The following VRK2 variants were observed in gnomAD, a reference collection of about 807,000 sequenced individuals.
The protein encoded by VRK2 is VRK serine/threonine kinase 2, also known as serine/threonine-protein kinase VRK2.
A neutral mutation model predicts 57.6 loss-of-function variants in VRK2; 60 were observed. That is an observed-to-expected ratio of 1.04 (90% CI 0.85 to 1.29). The LOEUF (loss-of-function observed/expected upper bound fraction) is 1.29. VRK2 is among the 50% of genes most tolerant of loss of function. VRK2 has a pLI of 0.00. For missense variants in VRK2, 705 were observed against 588.1 expected (o/e 1.20, Z -2.06); for synonymous variants, 231 against 199.2 (o/e 1.16, Z -1.35).
intron 7 of VRK2, among the ~76,000 whole-genome samples, chr2:58,098,584 T>C (rs1264309971): frequency 1.3e-5 from 2 of 151,980 alleles, no homozygotes; most frequent in Non-Finnish European, 1.5e-5. Context: ...CAGTATTTAC[T>C]ATAGTAACAT....
chr2:57,938,941 C>T (rs1331054761), intron 1 of VRK2, among the ~76,000 whole-genome samples: 5 of 152,174 alleles, frequency 3.3e-5, no homozygotes, highest in African/African-American at 4.8e-5. Context: ...AACAATTCCT[C>T]ATTCAGAGAT....
intron 1 of VRK2, among the ~76,000 whole-genome samples, chr2:57,941,944 A>G (rs1361620478): frequency 6.6e-6 from 1 of 152,210 alleles, no homozygotes; most frequent in Non-Finnish European, 1.5e-5. Context: ...AAACCCTACC[A>G]TTAAATATAT....
At chr2:58,048,526 G>C in intron 1 of VRK2, 2 of 1,327,444 alleles carry the variant, frequency 1.5e-6, no homozygotes, top group South Asian at 1.3e-5. Flanking sequence ...TGTTTCTTAA[G>C]GTGTGTCCTG....
At chr2:57,911,024 A>G (rs1158115245) in intron 1 of VRK2, among the ~76,000 whole-genome samples, 1 of 146,376 alleles carries the variant, frequency 6.8e-6, no homozygotes, top group Non-Finnish European at 1.5e-5. Flanking sequence ...TGAGTTCTCT[A>G]GGGTTTTTTG....
At chr2:58,021,152 G>GA (rs1673743990) in intron 1 of VRK2, among the ~76,000 whole-genome samples, 1 of 151,942 alleles carries the variant, frequency 6.6e-6, no homozygotes, top group Non-Finnish European at 1.5e-5. Context: ...ACTTTTTGTG[G>GA]GAAAAAATCA....
chr2:57,912,660 A>G (rs947158962), intron 1 of VRK2, among the ~76,000 whole-genome samples: 6 of 152,198 alleles, frequency 3.9e-5, no homozygotes, highest in Non-Finnish European at 5.9e-5. Context: ...TTGACTAAAG[A>G]GCAACCGCTT....
chr2:58,046,407 G>A, upstream of VRK2: 2 of 831,026 alleles, frequency 2.4e-6, no homozygotes, highest in Non-Finnish European at 2.9e-6. Flanking sequence ...AGTACCAATA[G>A]TTAGTTGCTC....
At chr2:58,076,552 A>T (rs973965061) in intron 2 of VRK2, among the ~76,000 whole-genome samples, 19 of 152,012 alleles carry the variant, frequency 1.2e-4, no homozygotes, top group Admixed American at 3.3e-4. Flanking sequence ...AGGACTGTCT[A>T]CATTTTTTTG....
intron 2 of VRK2, among the ~76,000 whole-genome samples, chr2:58,028,751 G>C (rs1162270800): frequency 1.3e-5 from 2 of 150,850 alleles, no homozygotes; most frequent in Non-Finnish European, 3.0e-5. Flanking sequence ...TTGGGGGAGT[G>C]GGGAGGGATA....
chr2:58,020,503 C>T (rs1407089025), intron 1 of VRK2, among the ~76,000 whole-genome samples: 2 of 152,216 alleles, frequency 1.3e-5, no homozygotes, highest in Non-Finnish European at 1.5e-5. Flanking sequence ...CCATGCCCTG[C>T]TAAGATATAC....
chr2:58,043,725 A>T (rs1320339292), upstream of VRK2, among the ~76,000 whole-genome samples: 2 of 152,192 alleles, frequency 1.3e-5, no homozygotes, highest in Non-Finnish European at 2.9e-5. Context: ...GTGTGGATAC[A>T]GGTTTAGATT....
chr2:58,042,137 T>C (rs921883518), upstream of VRK2, among the ~76,000 whole-genome samples: 2 of 152,202 alleles, frequency 1.3e-5, no homozygotes, highest in African/African-American at 4.8e-5. Context: ...AGATACTTTT[T>C]GGTTTACATG....
chr2:58,135,449 T>C (rs1169513932), intron 10 of VRK2, among the ~76,000 whole-genome samples: 2 of 151,968 alleles, frequency 1.3e-5, no homozygotes, highest in Non-Finnish European at 2.9e-5. Context: ...TGCTTTTTTT[T>C]TTTTTTTTAA....
chr2:58,108,230 C>G (rs1172724714), intron 7 of VRK2, among the ~76,000 whole-genome samples: 2 of 152,134 alleles, frequency 1.3e-5, no homozygotes, highest in Non-Finnish European at 2.9e-5. Flanking sequence ...CTTTGACTCT[C>G]TTTCTCTCAA....
intron 1 of VRK2, among the ~76,000 whole-genome samples, chr2:58,003,276 T>C (rs1351716012): frequency 6.6e-6 from 1 of 152,138 alleles, no homozygotes; most frequent in Non-Finnish European, 1.5e-5. Context: ...AATGACAAAA[T>C]ATGGGTTCCA....
chr2:58,127,001 T>C (rs1678453538), intron 8 of VRK2, among the ~76,000 whole-genome samples: 1 of 152,114 alleles, frequency 6.6e-6, no homozygotes, highest in Non-Finnish European at 1.5e-5. Context: ...CTTTTTTAAA[T>C]ACTTCAGACC....
intron 1 of VRK2, among the ~76,000 whole-genome samples, chr2:58,001,111 C>G (rs1032807823): frequency 6.6e-6 from 1 of 152,080 alleles, no homozygotes; most frequent in Non-Finnish European, 1.5e-5. Flanking sequence ...ATTAGAGAAG[C>G]AGATGGAATA....
chr2:58,012,984 T>C (rs1039506433), intron 1 of VRK2, among the ~76,000 whole-genome samples: 1 of 152,174 alleles, frequency 6.6e-6, no homozygotes, highest in Non-Finnish European at 1.5e-5. Flanking sequence ...GTTTTACAAA[T>C]TGTAACTTGG....
chr2:58,067,018 CA>C (rs1411021793), intron 2 of VRK2, among the ~76,000 whole-genome samples: 3 of 152,190 alleles, frequency 2.0e-5, no homozygotes, highest in African/African-American at 7.2e-5. Context: ...GAGACTAGAA[CA>C]AAGCATGCAG....
Sources: gnomAD v4.1 joint callset for allele counts (sites outside exome capture counted in the v4.1 genomes callset) on GRCh38, gnomAD v4.1.1 for gene constraint, MANE v1.5 for transcripts, NCBI Gene and HGNC (gene_info 2026-07-23, HGNC 2026-07-21) for gene names.